Variants in MTUS1 observed in about 807,000 individuals in gnomAD.
The protein encoded by MTUS1 is microtubule-associated tumor suppressor 1.
A neutral mutation model predicts 120.8 loss-of-function variants in MTUS1; 109 were observed. The observed-to-expected ratio is 0.90, with a 90% CI of 0.77 to 1.06. MTUS1 has a LOEUF of 1.06. MTUS1 is among the 50% of genes least tolerant of loss of function. The pLI is 0.00. For synonymous variants in MTUS1, 737 were observed against 550.5 expected (o/e 1.34, Z -4.74); for missense variants, 2,210 against 1,486.3 (o/e 1.49, Z -8.01).
chr8:17,717,990 C>A (rs574690654), intron 4 of MTUS1, among the ~76,000 whole-genome samples: 2 of 152,314 alleles, frequency 1.3e-5, no homozygotes, highest in South Asian at 4.1e-4. Flanking sequence ...GATACATATT[C>A]ATATACTCTA....
At chr8:17,723,607 A>G in intron 4 of MTUS1, 65 bp downstream of exon 4, 1 of 1,494,488 alleles carries the variant, frequency 6.7e-7, no homozygotes. Flanking sequence ...TTATTTGCAG[A>G]GCATTAGTTT....
chr8:17,781,794 T>C (rs1025731793), intron 1 of MTUS1, among the ~76,000 whole-genome samples: 3 of 152,158 alleles, frequency 2.0e-5, no homozygotes, highest in Non-Finnish European at 2.9e-5. Flanking sequence ...CTCTGTGCCA[T>C]GAGGTCCCTC....
intron 1 of MTUS1, among the ~76,000 whole-genome samples, chr8:17,785,227 G>A (rs1251551828): frequency 6.6e-6 from 1 of 151,886 alleles, no homozygotes; most frequent in Non-Finnish European, 1.5e-5. Flanking sequence ...AGTTCAGCCA[G>A]GAAGACAAAA....
At chr8:17,660,188 C>G (rs71526147) in intron 8 of MTUS1, among the ~76,000 whole-genome samples, 1,620 of 152,206 alleles carry the variant, frequency 0.011, 12 homozygotes, top group Admixed American at 0.016. Flanking sequence ...GCCTGGCCAA[C>G]ATGGTGAAAC....
chr8:17,790,524 T>C (rs1286600130), intron 1 of MTUS1, among the ~76,000 whole-genome samples: 1 of 152,154 alleles, frequency 6.6e-6, no homozygotes, highest in African/African-American at 2.4e-5. Context: ...AAGTCCTATG[T>C]AAGTGGAATT....
chr8:17,684,185 G>C (rs2130770412), intron 7 of MTUS1, 143 bp downstream of exon 7: 1 of 644,992 alleles, frequency 1.6e-6, no homozygotes, highest in Non-Finnish European at 2.7e-6. Context: ...ATCTGGTGAA[G>C]TGACAAAAAT....
rs1182707282 is a variant in MTUS1 at position 17,742,280 on chromosome 8, TTG to T, written c.2287+1322_2287+1323del. ...TCTCATGCCCAGCTGTTTTTTTTTT[TTG>T]TTGTTGTTGTTTTTTTTTTTTTTTT... On this transcript the variant is annotated intron_variant, in intron 3 of 14. Coordinates refer to ENST00000693296, the MANE Select transcript of MTUS1 (RefSeq NM_001363059.2). Among the ~76,000 whole-genome samples, 64 of 110,990 alleles carry T rather than the reference TTG, an allele frequency of 5.8e-4. 2 individuals carry two copies. The highest frequency in any genetic ancestry group is 9.0e-4 in the South Asian group (3 of 3,332). 72.8% of individuals were successfully genotyped at this position (110,990 alleles called of 152,430 possible).
intron 6 of MTUS1, among the ~76,000 whole-genome samples, chr8:17,701,056 T>A (rs535193816): frequency 6.6e-6 from 1 of 152,304 alleles, no homozygotes; most frequent in East Asian, 1.9e-4. Flanking sequence ...CTGTTATTGT[T>A]TGTTGTTGTT....
intron 7 of MTUS1, among the ~76,000 whole-genome samples, chr8:17,680,037 C>CTGAAATTTACTGTTTAAAT (rs1164669035): frequency 6.6e-6 from 1 of 152,114 alleles, no homozygotes; most frequent in Non-Finnish European, 1.5e-5. Context: ...AGTAAATTTC[C>CTGAAATTTACTGTTTAAAT]TGTCTTAAAA....
chr8:17,699,997 A>G lies in MTUS1; in HGVS notation c.2623+13217T>C, dbSNP rs139500506. Among the ~76,000 whole-genome samples the G allele has an allele frequency of 7.1e-3, 1,087 of 152,350 alleles. 11 individuals carry two copies. Among genetic ancestry groups the G allele is most frequent in the African/African-American group, 0.024 (1,014 of 41,570 alleles). Reference sequence around the variant, plus strand: ...TCATCTGTTACCAGTTAGGAACTCCATATTTTCTGAAATTGAACGAATGTG... The same window carrying G: ...TCATCTGTTACCAGTTAGGAACTCCGTATTTTCTGAAATTGAACGAATGTG... On this transcript the variant is annotated intron_variant, in intron 6 of 14. Transcript: ENST00000693296.
intron 1 of MTUS1, among the ~76,000 whole-genome samples, chr8:17,761,266 T>C (rs965368961): frequency 5.9e-5 from 9 of 152,218 alleles, no homozygotes; most frequent in Admixed American, 5.9e-4. Flanking sequence ...AGAAAAGTGA[T>C]TGTTTATTCC....
intron 3 of MTUS1, among the ~76,000 whole-genome samples, chr8:17,735,404 C>T (rs1434834891): frequency 6.6e-6 from 1 of 152,180 alleles, no homozygotes; most frequent in East Asian, 1.9e-4. Flanking sequence ...ACTATCCGTT[C>T]CCAAAAAATA....
chr8:17,755,332 T>C lies in MTUS1; in HGVS notation c.476A>G (p.Gln159Arg), dbSNP rs1226639435. The change falls in exon 2 of 15, where the codon CAA (glutamine) becomes CGA (arginine). Residue 159 changes from glutamine to arginine, a missense_variant. Gln to Arg is a conservative substitution (Grantham distance 43). Transcript: ENST00000693296. The stretch of plus-strand genomic sequence containing the variant: ...TTTATCCACTGTCATGTCAAATGTT[T>C]GGTTTAGCTCCAAGGCATCACAGTA... ...AGYCDALELNQTFDMTVDKVN... is the reference protein window; with the variant it reads ...AGYCDALELNRTFDMTVDKVN... 6.2e-7 allele frequency: 1 copy of C among 1,614,084 alleles called. No homozygotes were observed. Among genetic ancestry groups the C allele is most frequent in the Non-Finnish European group, 8.5e-7 (1 of 1,180,030 alleles).
chr8:17,704,145 G>C (rs888890431), intron 6 of MTUS1: 1 of 152,166 alleles, frequency 6.6e-6, no homozygotes, highest in African/African-American at 2.4e-5. Context: ...CCATGGGAAT[G>C]CAAGTATCTC....
intron 6 of MTUS1, among the ~76,000 whole-genome samples, chr8:17,712,891 A>C (rs1310758783): frequency 1.3e-5 from 2 of 152,230 alleles, no homozygotes; most frequent in Non-Finnish European, 2.9e-5. Context: ...GAGACCACTT[A>C]AAAATTAAGG....
chr8:17,645,957 G>C lies in MTUS1; in HGVS notation c.3782C>G (p.Ser1261Cys). 6.2e-7 allele frequency: 1 copy of C among 1,612,682 alleles called. No homozygotes were observed. The stretch of plus-strand genomic sequence containing the variant: ...GGGTGAAATGCTGGGGCTAGGGAAG[G>C]AGCCCGAATTCCTTGGTGACTGCAA... ...IPLQSPRNSG[S>C]FPSPSISPR The change falls in exon 15 of 15, where the codon TCC (serine) becomes TGC (cysteine). Residue 1261 changes from serine (S) to cysteine (C), a missense_variant. Coordinates refer to ENST00000693296, the MANE Select transcript of MTUS1 (RefSeq NM_001363059.2).
chr8:17,751,986 T>C (rs996448947), intron 2 of MTUS1, among the ~76,000 whole-genome samples: 1 of 152,030 alleles, frequency 6.6e-6, no homozygotes, highest in Non-Finnish European at 1.5e-5. Flanking sequence ...TATCTAATTA[T>C]GAATCCTAAC....
At position 17,675,256 on chromosome 8, in the gene MTUS1, C is replaced by G. The variant is rs569573790; in HGVS notation, c.2839-4G>C. 5.0e-6 allele frequency: 8 copies of G among 1,613,796 alleles called. No individual in the cohort carries two copies. Among genetic ancestry groups the G allele is most frequent in the Non-Finnish European group, 6.8e-6 (8 of 1,179,838 alleles). The stretch of plus-strand genomic sequence containing the variant: ...GTTGTTTCAGTGCTTCCTCCCGCTG[C>G]GGAAAACACACATCAAGTTACTCAT... On this transcript the variant is annotated splice_region_variant and splice_polypyrimidine_tract_variant and intron_variant, in intron 7 of 14. Transcript: ENST00000693296.
At chr8:17,800,049 G>C (rs1337566733) in intron 1 of MTUS1, among the ~76,000 whole-genome samples, 1 of 152,052 alleles carries the variant, frequency 6.6e-6, no homozygotes, top group East Asian at 1.9e-4. Flanking sequence ...CCCTGAAAAA[G>C]CAAACTGTCT....
Sources: gnomAD v4.1 joint callset for allele counts (sites outside exome capture counted in the v4.1 genomes callset) on GRCh38, gnomAD v4.1.1 for gene constraint, MANE v1.5 for transcripts, NCBI Gene and HGNC (gene_info 2026-07-23, HGNC 2026-07-21) for gene names.